ROS1: variants seen among roughly 807,000 people sequenced by gnomAD.
The protein encoded by ROS1 is proto-oncogene tyrosine-protein kinase ROS.
A neutral mutation model predicts 273.5 loss-of-function variants in ROS1; 263 were observed. The ratio of observed to expected loss-of-function variants is 0.96; its 90% CI spans 0.87 to 1.06. The LOEUF (loss-of-function observed/expected upper bound fraction) is 1.06, where lower values mean the gene tolerates loss of function less well. Among genes scored for constraint, ROS1 ranks in the 50% least tolerant of loss-of-function variants. ROS1 has a pLI of 0.00. For synonymous variants in ROS1, 1,008 were observed against 954.1 expected (o/e 1.06, Z -1.04); for missense variants, 2,833 against 2,751.1 (o/e 1.03, Z -0.67).
rs1772865085 is a variant in ROS1, at chr6:117,389,420, C to T, written c.1716G>A (p.Glu572=). The T allele has an allele frequency of 3.1e-6, 5 of 1,614,086 alleles. No homozygotes were observed. The highest frequency in any genetic ancestry group is 4.2e-6 in the Non-Finnish European group (5 of 1,180,060). The change falls in exon 13 of 44, where the codon GAG becomes GAA. Residue 572 remains glutamate (E), a synonymous_variant. Transcript: ENST00000368507. ...GGTGAGAGCCAAACAGCACCGAAAGCTCCTGCGGGCGGCCTGGCAGAGGGT... is the reference window on the plus strand; with the variant it reads ...GGTGAGAGCCAAACAGCACCGAAAGTTCCTGCGGGCGGCCTGGCAGAGGGT... ...QLHPLPGRPQ[E]LSVLFGSHQA...
At position 117,397,018 on chromosome 6, in the gene ROS1, A is replaced by G; in HGVS notation, c.703T>C (p.Leu235=). 1 of 1,613,870 alleles carries G rather than the reference A, an allele frequency of 6.2e-7. No homozygotes were observed. Among genetic ancestry groups the G allele is most frequent in the Non-Finnish European group, 8.5e-7 (1 of 1,179,778 alleles). Residue 235 remains leucine, a synonymous_variant, in exon 8 of 44, where the codon TTG becomes CTG. Coordinates refer to ENST00000368507, the MANE Select transcript of ROS1 (RefSeq NM_001378902.1). ...CTGATCAGCCTTAAGTTATAACCCAAAATAGGTCCACCTGGGAATTGAGGT... is the reference window on the plus strand; with the variant it reads ...CTGATCAGCCTTAAGTTATAACCCAGAATAGGTCCACCTGGGAATTGAGGT... ...DPPQFPGGPI[L]GYNLRLISKN...
rs750152817 is a variant in ROS1 at position 117,403,239 on chromosome 6, G to C, written c.504C>G (p.His168Gln). 2 of 1,612,454 alleles carry C rather than the reference G, an allele frequency of 1.2e-6. No homozygotes were observed. The highest frequency in any genetic ancestry group is 1.7e-6 in the Non-Finnish European group (2 of 1,179,650). ...SRPSYVVKPL[H>Q]PFTEYIFRVV... is the part of the protein sequence containing the mutation. ...CTCGGAAAATGTACTCAGTGAAGGG[G>C]TGCAGGGGCTTGACCACATAGGACG... Residue 168 changes from histidine (H) to glutamine (Q), a missense_variant, in exon 7 of 44, where the codon CAC (histidine) becomes CAG (glutamine). By Grantham distance (24) the His-to-Gln change is conservative. Coordinates refer to ENST00000368507, the MANE Select transcript of ROS1 (RefSeq NM_001378902.1).
At chr6:117,346,926 G>A (rs1371631856) in intron 27 of ROS1, among the ~76,000 whole-genome samples, 4 of 151,900 alleles carry the variant, frequency 2.6e-5, no homozygotes, top group South Asian at 2.1e-4. Flanking sequence ...CAGCCTTCTC[G>A]CAACTAGTGA....
chr6:117,366,907 C>T (rs1480730447), intron 18 of ROS1, among the ~76,000 whole-genome samples: 1 of 152,158 alleles, frequency 6.6e-6, no homozygotes, highest in Non-Finnish European at 1.5e-5. Context: ...TAATACTCTA[C>T]AACAAAGGCA....
In ROS1 at chr6:117,366,103, T is replaced by C. The variant is rs1339675608; in HGVS notation, c.2770A>G (p.Ile924Val). 2.5e-6 allele frequency: 4 copies of C among 1,614,006 alleles called. No homozygotes were observed. Among genetic ancestry groups the C allele is most frequent in the African/African-American group, 1.3e-5 (1 of 74,928 alleles). The change falls in exon 19 of 44, where the codon ATT becomes GTT. Residue 924 changes from isoleucine to valine, a missense_variant. By Grantham distance (29) the Ile-to-Val change is conservative. Transcript: ENST00000368507. ...EPARFNQFTI[I>V]QTSLKPLPGN... ...GGCAGGGGCTTAAGGGATGTCTGAA[T>C]AATTGTGAACTGATTAAATCTGGCT...
chr6:117,298,341 A>T (rs1187728939), intron 43 of ROS1, among the ~76,000 whole-genome samples: 3 of 152,086 alleles, frequency 2.0e-5, no homozygotes, highest in Non-Finnish European at 2.9e-5. Context: ...ATTTATTTTA[A>T]AAAAAAGAGG....
chr6:117,321,240 G>T lies in ROS1; in HGVS notation c.5759+19C>A. The T allele has an allele frequency of 6.2e-7, 1 of 1,606,884 alleles. No homozygotes were observed. The highest frequency in any genetic ancestry group is 1.1e-5 in the South Asian group (1 of 89,634). On this transcript the variant is annotated intron_variant, in intron 36 of 43. Coordinates refer to ENST00000368507, the MANE Select transcript of ROS1 (RefSeq NM_001378902.1). ...ACCCTTTGCCTAGGTGCTCCATAAT[G>T]ATGGCCAAAGCTACATACTGTATTG...
chr6:117,375,289 G>T (rs1334115908), intron 18 of ROS1, among the ~76,000 whole-genome samples: 6 of 152,200 alleles, frequency 3.9e-5, no homozygotes, highest in African/African-American at 1.4e-4. Flanking sequence ...GGGATTTGGA[G>T]TAAAGGGTGG....
intron 27 of ROS1, among the ~76,000 whole-genome samples, chr6:117,345,098 T>C (rs1778265070): frequency 6.6e-6 from 1 of 152,238 alleles, no homozygotes; most frequent in Non-Finnish European, 1.5e-5. Flanking sequence ...GCCAACTCTT[T>C]AACTCATTGT....
At chr6:117,326,581 G>A (rs778185822) in intron 33 of ROS1, among the ~76,000 whole-genome samples, 167 bp from the exon 34 acceptor site, 1 of 152,028 alleles carries the variant, frequency 6.6e-6, no homozygotes, top group African/African-American at 2.4e-5. Context: ...TAACAGCATG[G>A]TTTTATAGTG....
At chr6:117,403,876 A>G (rs1290887081) in intron 6 of ROS1, among the ~76,000 whole-genome samples, 1 of 136,506 alleles carries the variant, frequency 7.3e-6, no homozygotes, top group Non-Finnish European at 1.5e-5. Flanking sequence ...TCTGAACCCA[A>G]CTACCCATCT....
intron 27 of ROS1, among the ~76,000 whole-genome samples, chr6:117,351,352 T>C (rs1192010326): frequency 6.6e-6 from 1 of 152,120 alleles, no homozygotes; most frequent in African/African-American, 2.4e-5. Context: ...GATTAGTGTA[T>C]CTTGAATGCA....
In ROS1 at chr6:117,370,865, G is replaced by T. The variant is rs1027004485; in HGVS notation, c.2583-4575C>A. On this transcript the variant is annotated intron_variant, in intron 18 of 43. Coordinates refer to ENST00000368507, the MANE Select transcript of ROS1 (RefSeq NM_001378902.1). ...CAAAGAAGTAGAAACAGAGGAACAA[G>T]GAGCTGAGACACAAATGGAAGTCAC... Among the ~76,000 whole-genome samples the T allele has an allele frequency of 2.0e-5, 3 of 152,078 alleles. No individual in the cohort carries two copies. The South Asian group carries it at 6.2e-4, about 32-fold the overall frequency.
chr6:117,403,205 T>C lies in ROS1; in HGVS notation c.538A>G (p.Ile180Val). The C allele has an allele frequency of 6.2e-7, 1 of 1,612,188 alleles. No homozygotes were observed. The highest frequency in any genetic ancestry group is 8.5e-7 in the Non-Finnish European group (1 of 1,179,628). The change falls in exon 7 of 44, where the codon ATC (isoleucine) becomes GTC (valine). Residue 180 changes from isoleucine (I) to valine (V), a missense_variant. Physicochemically the swap from Ile to Val is conservative, Grantham distance 29. Coordinates refer to ENST00000368507, the MANE Select transcript of ROS1 (RefSeq NM_001378902.1). The part of the protein sequence containing the change: ...FTEYIFRVVW[I>V]FTAQLQLYSP... ...TAGAGCTGCAGCTGCGCTGTGAAGA[T>C]CCAAACCACTCGGAAAATGTACTCA...
chr6:117,405,195 G>A (rs1269972574), intron 5 of ROS1, among the ~76,000 whole-genome samples: 1 of 152,100 alleles, frequency 6.6e-6, no homozygotes, highest in African/African-American at 2.4e-5. Flanking sequence ...GCTTAAAATG[G>A]TTAATTACAA....
At chr6:117,425,013 C>T (rs1190199158) in intron 1 of ROS1, among the ~76,000 whole-genome samples, 3 of 151,992 alleles carry the variant, frequency 2.0e-5, no homozygotes, top group African/African-American at 2.4e-5. Context: ...CATGAATTTC[C>T]ATATAAAAAA....
intron 24 of ROS1, 42 bp downstream of exon 24, chr6:117,359,767 A>G (rs751703479): frequency 1.3e-6 from 2 of 1,521,548 alleles, no homozygotes; most frequent in Non-Finnish European, 1.8e-6. Flanking sequence ...ATATGCAAAT[A>G]CTTCACTTCC....
intron 16 of ROS1, among the ~76,000 whole-genome samples, chr6:117,385,370 C>T (rs768992144): frequency 2.6e-5 from 4 of 152,204 alleles, no homozygotes; most frequent in East Asian, 1.9e-4. Context: ...GCCTGGCCAA[C>T]GTGGTGAAAC....
chr6:117,418,686 C>A (rs563921950), intron 1 of ROS1, among the ~76,000 whole-genome samples, 180 bp from the exon 2 acceptor site: 5 of 152,258 alleles, frequency 3.3e-5, no homozygotes, highest in African/African-American at 1.2e-4. Flanking sequence ...AATGCTGGTG[C>A]AAATTATAGA....
Sources: allele counts gnomAD v4.1 joint callset (sites outside exome capture counted in the v4.1 genomes callset), GRCh38; gene constraint gnomAD v4.1.1; transcripts MANE v1.5; gene names NCBI Gene and HGNC (gene_info 2026-07-23, HGNC 2026-07-21).